Variants in DCC observed in about 807,000 individuals in gnomAD.
DCC encodes DCC netrin 1 receptor, also known as netrin receptor DCC.
A neutral mutation model predicts 172.5 loss-of-function variants in DCC; 58 were observed. That is an observed-to-expected ratio of 0.34 (90% CI 0.27 to 0.42). DCC has a LOEUF of 0.42. Ranked by LOEUF, DCC falls within the 10% of genes least tolerant of loss-of-function variation. DCC has a pLI of 1.00. For synonymous variants in DCC, 709 were observed against 644.5 expected, an observed-to-expected ratio of 1.10 and a Z score of -1.52; for missense variants, 1,740 against 1,791.0, an observed-to-expected ratio of 0.97 and a Z score of 0.51.
intron 5 of DCC, among the ~76,000 whole-genome samples, chr18:53,050,303 A>T (rs946076154): frequency 2.7e-4 from 41 of 152,012 alleles, no homozygotes; most frequent in African/African-American, 9.4e-4. Flanking sequence ...ACCCAGATAC[A>T]CCCGGAAACA....
chr18:53,281,987 C>A (rs1415112718), intron 12 of DCC, among the ~76,000 whole-genome samples: 1 of 152,068 alleles, frequency 6.6e-6, no homozygotes, highest in African/African-American at 2.4e-5. Flanking sequence ...GACAAGCACC[C>A]TTAGTTTAGA....
chr18:53,526,629 C>T lies in DCC; in HGVS notation c.4124C>T (p.Pro1375Leu), dbSNP rs387906555. The T allele has an allele frequency of 1.9e-6, 3 of 1,613,462 alleles. No homozygotes were observed. The highest frequency in any genetic ancestry group is 2.5e-6 in the Non-Finnish European group (3 of 1,179,610). ...TTTTCTATTTCAGGGCCCACTCTTC[C>T]TAAGACCCATGTGAAAACAGCCTCC... Reference protein sequence around the residue: ...PLLSQPGPTLPKTHVKTASLG... With the variant: ...PLLSQPGPTLLKTHVKTASLG... Residue 1375 changes from proline to leucine, a missense_variant, in exon 28 of 29, where the codon CCT becomes CTT. By Grantham distance (98) the Pro-to-Leu change is moderately conservative. Around this residue, in one of 2 missense-constraint regions of DCC, gnomAD observed 1,732 missense variants for 1,767.4 expected, o/e 0.98. Coordinates refer to ENST00000442544, the MANE Select transcript of DCC (RefSeq NM_005215.4).
At chr18:53,355,399 T>C (rs1363623711) in intron 15 of DCC, among the ~76,000 whole-genome samples, 3 of 152,186 alleles carry the variant, frequency 2.0e-5, no homozygotes, top group South Asian at 2.1e-4. Flanking sequence ...ATTCTTCCTA[T>C]CCATGAGCAT....
chr18:53,289,667 A>G (rs1341149406), intron 12 of DCC, among the ~76,000 whole-genome samples: 1 of 152,172 alleles, frequency 6.6e-6, no homozygotes, highest in East Asian at 1.9e-4. Context: ...TTAATAAAAA[A>G]AGATCATTAA....
intron 1 of DCC, among the ~76,000 whole-genome samples, chr18:52,495,782 G>A (rs572527072): frequency 6.2e-5 from 9 of 144,492 alleles, no homozygotes; most frequent in South Asian, 4.3e-4. Context: ...TTTTTTTTTA[G>A]CAATTTGGAG....
intron 1 of DCC, among the ~76,000 whole-genome samples, chr18:52,488,109 A>G (rs1260766767): frequency 1.3e-5 from 2 of 152,178 alleles, no homozygotes; most frequent in Non-Finnish European, 2.9e-5. Flanking sequence ...GAAGCACTTT[A>G]AAAGGAAAGA....
chr18:52,512,781 G>A (rs2031489284), intron 1 of DCC, among the ~76,000 whole-genome samples: 1 of 152,144 alleles, frequency 6.6e-6, no homozygotes, highest in Non-Finnish European at 1.5e-5. Flanking sequence ...CAATGTAAAG[G>A]GATAGGGATT....
intron 1 of DCC, among the ~76,000 whole-genome samples, chr18:52,495,059 C>A (rs1004398291): frequency 3.3e-5 from 5 of 152,006 alleles, no homozygotes; most frequent in African/African-American, 1.2e-4. Context: ...GGATGGAGTC[C>A]TCAATGGCTT....
chr18:53,515,218 A>T (rs894204664), intron 27 of DCC, among the ~76,000 whole-genome samples: 1,615 of 152,188 alleles, frequency 0.011, 14 homozygotes, highest in Non-Finnish European at 0.016. Flanking sequence ...ATCTCAATAG[A>T]TGCAGAAAAA....
At chr18:52,541,593 G>A (rs75775226) in intron 1 of DCC, among the ~76,000 whole-genome samples, 2,882 of 152,020 alleles carry the variant, frequency 0.019, 105 homozygotes, top group African/African-American at 0.066. Flanking sequence ...ACAAGCATCC[G>A]TTCTAACCTC....
intron 12 of DCC, among the ~76,000 whole-genome samples, chr18:53,254,358 G>A (rs1025977651): frequency 6.6e-6 from 1 of 151,976 alleles, no homozygotes; most frequent in African/African-American, 2.4e-5. Flanking sequence ...GTCTGCCTCT[G>A]GGATGGTATC....
chr18:53,415,822 T>TTA (rs1293951579), intron 20 of DCC, among the ~76,000 whole-genome samples: 1 of 150,644 alleles, frequency 6.6e-6, no homozygotes, highest in African/African-American at 2.4e-5. Context: ...AGTTTTTTTT[T>TTA]ACTGTTAATT....
chr18:53,022,394 T>A (rs142299391), intron 5 of DCC, among the ~76,000 whole-genome samples: 23 of 152,190 alleles, frequency 1.5e-4, no homozygotes, highest in Middle Eastern at 6.8e-3. Flanking sequence ...AATAATACTA[T>A]CTTATGAGAT....
At chr18:53,273,224 T>C (rs542309890) in intron 12 of DCC, among the ~76,000 whole-genome samples, 2 of 152,282 alleles carry the variant, frequency 1.3e-5, no homozygotes, top group East Asian at 3.9e-4. Flanking sequence ...TGTGCTCTTA[T>C]GAATAATAAT....
chr18:53,459,127 G>A (rs950779594), intron 23 of DCC, 105 bp from the exon 24 acceptor site: 44 of 933,596 alleles, frequency 4.7e-5, no homozygotes, highest in Non-Finnish European at 7.2e-5. Flanking sequence ...CATTCTGCGA[G>A]TCCTTTTGTT....
At chr18:53,460,885 A>G (rs1158028479) in intron 24 of DCC, among the ~76,000 whole-genome samples, 1 of 152,090 alleles carries the variant, frequency 6.6e-6, no homozygotes, top group Non-Finnish European at 1.5e-5. Context: ...GAACTAGTTT[A>G]CAGTCCCACC....
At chr18:52,985,114 C>A (rs1598999101) in intron 5 of DCC, among the ~76,000 whole-genome samples, 1 of 152,162 alleles carries the variant, frequency 6.6e-6, no homozygotes, top group Admixed American at 6.6e-5. Flanking sequence ...TCGGCTCTAC[C>A]ACGTAACTGT....
At chr18:52,889,431 T>G (rs1442444005) in intron 2 of DCC, among the ~76,000 whole-genome samples, 1 of 152,080 alleles carries the variant, frequency 6.6e-6, no homozygotes. Flanking sequence ...ACTCTAAATG[T>G]GCTGTGCTGG....
chr18:53,227,096 G>A (rs1405457508), intron 12 of DCC, among the ~76,000 whole-genome samples: 4 of 150,372 alleles, frequency 2.7e-5, no homozygotes, highest in African/African-American at 9.8e-5. Context: ...ATACAGGTGA[G>A]TGCCACCACC....
Sources: gnomAD v4.1 joint callset for allele counts (sites outside exome capture counted in the v4.1 genomes callset) on GRCh38, gnomAD v4.1.1 for gene constraint, gnomAD v4.1.1 regional missense constraint, MANE v1.5 for transcripts, NCBI Gene and HGNC (gene_info 2026-07-23, HGNC 2026-07-21) for gene names.